ZNF446: variants seen among roughly 807,000 people sequenced by gnomAD.
The protein encoded by ZNF446 is zinc finger protein 446.
ZNF446 carries 42 observed loss-of-function variants against 34.0 expected under a neutral mutation model. The ratio of observed to expected loss-of-function variants is 1.23; its 90% CI spans 0.96 to 1.60. The LOEUF (loss-of-function observed/expected upper bound fraction) is 1.60. Among genes scored for constraint, ZNF446 ranks in the 40% most tolerant of loss-of-function variants. The pLI, the probability that ZNF446 is intolerant of heterozygous loss-of-function variation, is 0.00. For missense variants in ZNF446, 650 were observed against 600.2 expected (o/e 1.08, Z -0.87); for synonymous variants, 315 against 251.0 (o/e 1.25, Z -2.41).
the ZNF446 span, among the ~76,000 whole-genome samples, chr19:58,486,963 C>T: frequency 1.3e-5 from 2 of 150,676 alleles, no homozygotes; most frequent in Non-Finnish European, 2.9e-5. Flanking sequence ...CCACCACACC[C>T]AGCTAATTTT....
chr19:58,483,650 G>GA (rs537791445), downstream of ZNF446: 29 of 148,634 alleles, frequency 2.0e-4, no homozygotes, highest in East Asian at 1.4e-3. Flanking sequence ...ACCCTGTCTG[G>GA]AAAAAAAAAA....
chr19:58,477,122 C>T (rs1360796747), intron 1 of ZNF446, 57 bp from the exon 2 acceptor site: 1 of 1,133,242 alleles, frequency 8.8e-7, no homozygotes, highest in Non-Finnish European at 1.2e-6. Flanking sequence ...AGCCTGGTGT[C>T]TGCCTTCCCC....
chr19:58,480,435 C>G lies in ZNF446; in HGVS notation c.1062C>G (p.His354Gln). The G allele has an allele frequency of 1.2e-6, 2 of 1,613,142 alleles. No individual in the cohort carries two copies. Among genetic ancestry groups the G allele is most frequent in the Non-Finnish European group, 1.7e-6 (2 of 1,179,996 alleles). The stretch of plus-strand genomic sequence containing the variant: ...TGTTCGTCATCCACCACCGGACACA[C>G]ACGAGTGGGCCAGGTGTGCAGTCCC... Reference protein sequence around the residue: ...KSVFVIHHRTHTSGPGVQSPG... With the variant: ...KSVFVIHHRTQTSGPGVQSPG... The change falls in exon 7 of 7, where the codon CAC (histidine) becomes CAG (glutamine). Residue 354 changes from histidine (H) to glutamine (Q), a missense_variant. Coordinates refer to ENST00000594369, the MANE Select transcript of ZNF446 (RefSeq NM_017908.4). The surrounding 1 kb of genome is among the most constrained non-coding windows in gnomAD (Gnocchi z 7.2).
downstream of ZNF446, chr19:58,483,734 G>A (rs1222831360): frequency 6.6e-6 from 1 of 152,160 alleles, no homozygotes; most frequent in East Asian, 1.9e-4. Context: ...ATTCACAATA[G>A]GAGAGGGATG....
chr19:58,477,676 G>A lies in ZNF446; in HGVS notation c.382G>A (p.Ala128Thr). The A allele has an allele frequency of 6.2e-7, 1 of 1,613,898 alleles. No individual in the cohort carries two copies. Among genetic ancestry groups the A allele is most frequent in the Non-Finnish European group, 8.5e-7 (1 of 1,180,042 alleles). The change falls in exon 3 of 7, where the codon GCC (alanine) becomes ACC (threonine). Residue 128 changes from alanine (A) to threonine (T), a missense_variant. Physicochemically the swap from Ala to Thr is moderately conservative, Grantham distance 58 (BLOSUM62 0). Transcript: ENST00000594369. ...HVLKQEVLPAAQKTEEPLGSP... is the reference protein window; with the variant it reads ...HVLKQEVLPATQKTEEPLGSP... Reference sequence around the variant, plus strand: ...CCTGAAGCAGGAGGTGCTCCCTGCAGCCCAGAAGACAGAGGAACCACTTGG... The same window carrying A: ...CCTGAAGCAGGAGGTGCTCCCTGCAACCCAGAAGACAGAGGAACCACTTGG...
chr19:58,477,057 C>A lies in ZNF446; in HGVS notation c.-40-122C>A, dbSNP rs940026474. Reference sequence around the variant, plus strand: ...CCTCCTTCCATGAAGCTTTCTTGGCCTTATCTCTTCTGGCCTCAGAGTACA... The same window carrying A: ...CCTCCTTCCATGAAGCTTTCTTGGCATTATCTCTTCTGGCCTCAGAGTACA... On this transcript the variant is annotated intron_variant, in intron 1 of 6. Transcript: ENST00000594369. 4.8e-6 allele frequency: 3 copies of A among 630,302 alleles called. No homozygotes were observed. The African/African-American group carries it at 5.5e-5, about 12-fold the overall frequency. 39.0% of individuals were successfully genotyped at this position (630,302 alleles called of 1,614,324 possible). A position where few individuals can be genotyped will look rare whatever the true frequency, so the allele number is the denominator to read the frequency against.
intron 5 of ZNF446, 46 bp from the exon 6 acceptor site, chr19:58,479,884 T>A: frequency 6.9e-7 from 1 of 1,458,430 alleles, no homozygotes; most frequent in Non-Finnish European, 9.4e-7. Flanking sequence ...ACCCCACCCC[T>A]CCTTCATGCA....
rs144250461 is a variant in ZNF446 at position 58,477,825 on chromosome 19, G to A, written c.531G>A (p.Val177=). 2.4e-4 allele frequency: 364 copies of A among 1,546,970 alleles called. 1 individual carries two copies. The highest frequency in any genetic ancestry group is 2.3e-4 in the South Asian group (18 of 79,888). ...KEEPNVDGQE[V]APSSPPLAAQ... ...AGCCCAATGTCGATGGACAGGAAGT[G>A]GGTGAGGTTGGGGTCCCACCAGAGA... Residue 177 remains valine, a splice_region_variant and synonymous_variant, in exon 3 of 7, where the codon GTG becomes GTA. Coordinates refer to ENST00000594369, the MANE Select transcript of ZNF446 (RefSeq NM_017908.4).
rs1298425797 is a variant in ZNF446 at position 58,476,506 on chromosome 19, T to G, written c.-41+2T>G. ...GCCTGGTCTCTCAGGCCCGTCCAGG[T>G]GGGCGTCTTTCACTGCAGACCTTCA... On this transcript the variant is annotated splice_donor_variant, in intron 1 of 6. Transcript: ENST00000594369. LOFTEE classifies it low-confidence loss of function (5UTR_SPLICE). 2 of 152,220 alleles carry G rather than the reference T, an allele frequency of 1.3e-5. No individual in the cohort carries two copies. Among genetic ancestry groups the G allele is most frequent in the African/African-American group, 4.8e-5 (2 of 41,454 alleles). 9.4% of individuals were successfully genotyped at this position (152,220 alleles called of 1,614,324 possible).
downstream of ZNF446, among the ~76,000 whole-genome samples, chr19:58,482,113 G>A (rs1349035595): frequency 6.6e-6 from 1 of 152,138 alleles, no homozygotes; most frequent in East Asian, 1.9e-4. Flanking sequence ...GTTTTAACAG[G>A]ACTGGTTCCT....
downstream of ZNF446, among the ~76,000 whole-genome samples, chr19:58,482,779 C>T (rs2053149129): frequency 6.6e-6 from 1 of 152,038 alleles, no homozygotes; most frequent in Non-Finnish European, 1.5e-5. Context: ...TGTGAGCAAG[C>T]AGGAGGCGAG....
Position 58,479,719 on chromosome 19 carries a change from T to G in ZNF446, c.704T>G (p.Val235Gly). The G allele has an allele frequency of 6.2e-7, 1 of 1,612,200 alleles. No homozygotes were observed. Among genetic ancestry groups the G allele is most frequent in the Non-Finnish European group, 8.5e-7 (1 of 1,179,550 alleles). The change falls in exon 5 of 7, where the codon GTC becomes GGC. Residue 235 changes from valine (V) to glycine (G), a missense_variant. Val to Gly is a moderately radical substitution (Grantham distance 109, BLOSUM62 -3). Coordinates refer to ENST00000594369, the MANE Select transcript of ZNF446 (RefSeq NM_017908.4). The part of the protein sequence containing the change: ...DAMLEKYGTV[V>G]SLGLPPHQPE... The stretch of plus-strand genomic sequence containing the variant: ...ATGCTGGAGAAGTACGGCACAGTGG[T>G]CTCCCTGGGTGAGGACCAGCCAGCC...
chr19:58,483,831 T>C (rs1259967252), downstream of ZNF446: 1 of 152,214 alleles, frequency 6.6e-6, no homozygotes, highest in Non-Finnish European at 1.5e-5. Context: ...GTATGTACTA[T>C]AGAAGTGAGC....
chr19:58,487,105 AAAT>A, the ZNF446 span, among the ~76,000 whole-genome samples: 4 of 152,206 alleles, frequency 2.6e-5, no homozygotes, highest in Non-Finnish European at 5.9e-5. Context: ...ATGATTTCTT[AAAT>A]AATAACACAA....
downstream of ZNF446, among the ~76,000 whole-genome samples, chr19:58,481,478 G>A (rs1439738334): frequency 6.6e-6 from 1 of 152,148 alleles, no homozygotes; most frequent in Non-Finnish European, 1.5e-5. Context: ...ATTTCCTTTC[G>A]AAGTACGGCT....
At chr19:58,486,725 G>GT in the ZNF446 span, among the ~76,000 whole-genome samples, 5 of 148,900 alleles carry the variant, frequency 3.4e-5, no homozygotes, top group Non-Finnish European at 7.4e-5. Context: ...TTTGGGGGGG[G>GT]GCGGGGAGAG....
chr19:58,485,740 GATTT>G (rs1386360064), downstream of ZNF446, among the ~76,000 whole-genome samples: 1 of 152,002 alleles, frequency 6.6e-6, no homozygotes, highest in Non-Finnish European at 1.5e-5. Flanking sequence ...TATTTTTAAT[GATTT>G]ATTAAATTTT....
At chr19:58,489,289 G>C in the ZNF446 span, among the ~76,000 whole-genome samples, 1 of 152,134 alleles carries the variant, frequency 6.6e-6, no homozygotes, top group Non-Finnish European at 1.5e-5. Flanking sequence ...ATATTTTGCA[G>C]ACTCTGCACT....
At chr19:58,483,173 T>C (rs1441911292), downstream of ZNF446, among the ~76,000 whole-genome samples, 2 of 135,004 alleles carry the variant, frequency 1.5e-5, no homozygotes, top group South Asian at 2.3e-4. Context: ...TAGTGAGACC[T>C]TGTCTCCAAA....
Sources: gnomAD v4.1 joint callset for allele counts (sites outside exome capture counted in the v4.1 genomes callset) on GRCh38, gnomAD v4.1.1 for gene constraint, Gnocchi (gnomAD v3.1) non-coding constraint, MANE v1.5 for transcripts, NCBI Gene and HGNC (gene_info 2026-07-23, HGNC 2026-07-21) for gene names.